The following WARS2 variants were observed in gnomAD, a reference collection of about 807,000 sequenced individuals.
WARS2 encodes tryptophanyl tRNA synthetase 2, mitochondrial.
WARS2 carries 28 observed loss-of-function variants against 36.5 expected under a neutral mutation model. The ratio of observed to expected loss-of-function variants is 0.77; its 90% CI spans 0.57 to 1.05. The LOEUF (loss-of-function observed/expected upper bound fraction) is 1.05. Among genes scored for constraint, WARS2 ranks in the 50% least tolerant of loss-of-function variants. The pLI is 0.00. For synonymous variants in WARS2, 174 were observed against 178.4 expected (o/e 0.98, Z 0.20); for missense variants, 435 against 456.8 (o/e 0.95, Z 0.44).
intron 1 of WARS2, among the ~76,000 whole-genome samples, chr1:119,120,632 T>C (rs369392431): frequency 2.0e-4 from 30 of 152,066 alleles, no homozygotes; most frequent in South Asian, 1.9e-3. Flanking sequence ...CTGATGAACA[T>C]AGATGCAAAA....
At chr1:119,055,432 G>A (rs1649695306) in intron 2 of WARS2, among the ~76,000 whole-genome samples, 1 of 152,034 alleles carries the variant, frequency 6.6e-6, no homozygotes, top group Non-Finnish European at 1.5e-5. Context: ...GGCCAACATG[G>A]CAAAACCCCA....
At chr1:119,092,723 A>C (rs1030650398) in intron 1 of WARS2, among the ~76,000 whole-genome samples, 1 of 152,230 alleles carries the variant, frequency 6.6e-6, no homozygotes, top group Non-Finnish European at 1.5e-5. Context: ...CCTGAAATAA[A>C]AATTTTAATA....
Position 119,100,886 on chromosome 1 carries a change from C to G in WARS2, c.91-24279G>C, listed in dbSNP as rs117253596. On this transcript the variant is annotated intron_variant, in intron 1 of 5. Transcript: ENST00000235521. The stretch of plus-strand genomic sequence containing the variant: ...CTCCTGGGCTCAAGTGATACTCCCA[C>G]CTTGGCCTTCTAAAGTGCTGGGACT... Among the ~76,000 whole-genome samples the G allele has an allele frequency of 7.7e-3, 1,174 of 152,322 alleles. 25 individuals are homozygous for G. Among genetic ancestry groups the G allele is most frequent in the East Asian group, 0.052 (268 of 5,178 alleles).
Position 119,033,030 on chromosome 1 carries a change from C to G in WARS2, c.964G>C (p.Glu322Gln). 2 of 1,614,244 alleles carry G rather than the reference C, an allele frequency of 1.2e-6. No individual in the cohort carries two copies. The highest frequency in any genetic ancestry group is 2.2e-5 in the South Asian group (2 of 91,090). ...EKFAPIKREI[E>Q]KLKLDKDHLE... ...TGGTCCTTGTCCAGCTTCAGTTTTT[C>G]AATTTCACGCTTAATTGGGGCAAAC... The change falls in exon 6 of 6, where the codon GAA becomes CAA. Residue 322 changes from glutamate (E) to glutamine (Q), a missense_variant. Glu to Gln is a conservative substitution (Grantham distance 29). Transcript: ENST00000235521.
At chr1:119,033,440 C>A (rs946500104) in intron 5 of WARS2, 81 bp from the exon 6 acceptor site, 5 of 1,540,464 alleles carry the variant, frequency 3.2e-6, no homozygotes, top group Middle Eastern at 2.1e-4. Context: ...ACAGACAGTT[C>A]CCAACTTGCA....
intron 2 of WARS2, among the ~76,000 whole-genome samples, chr1:119,054,295 T>G (rs999035142): frequency 6.6e-6 from 1 of 151,956 alleles, no homozygotes; most frequent in Non-Finnish European, 1.5e-5. Flanking sequence ...ATGAAAGAGA[T>G]GCCCAATCTT....
At chr1:119,037,512 TA>T (rs1485142273) in intron 4 of WARS2, among the ~76,000 whole-genome samples, 1 of 152,234 alleles carries the variant, frequency 6.6e-6, no homozygotes, top group African/African-American at 2.4e-5. Context: ...CATAAAGGAT[TA>T]ATTCCTCATG....
chr1:119,062,617 G>T (rs1650480108), intron 2 of WARS2, among the ~76,000 whole-genome samples: 1 of 152,112 alleles, frequency 6.6e-6, no homozygotes, highest in African/African-American at 2.4e-5. Context: ...ACGTGTTGTG[G>T]GAGGGACCCA....
intron 1 of WARS2, among the ~76,000 whole-genome samples, chr1:119,082,960 G>A (rs1652316807): frequency 6.6e-6 from 1 of 152,316 alleles, no homozygotes; most frequent in Admixed American, 6.5e-5. Context: ...TGGGTGTGGT[G>A]GCTCACACCT....
At chr1:119,041,939 G>A (rs1427133837) in intron 4 of WARS2, among the ~76,000 whole-genome samples, 1 of 152,114 alleles carries the variant, frequency 6.6e-6, no homozygotes, top group African/African-American at 2.4e-5. Flanking sequence ...GGGACAATAA[G>A]AGTGCAAATT....
Position 119,032,846 on chromosome 1 carries a change from G to T in WARS2, c.*65C>A. 1 of 1,442,066 alleles carries T rather than the reference G, an allele frequency of 6.9e-7. No individual in the cohort carries two copies. Among genetic ancestry groups the T allele is most frequent in the African/African-American group, 1.4e-5 (1 of 70,136 alleles). 89.3% of individuals were successfully genotyped at this position (1,442,066 alleles called of 1,614,324 possible). A position where few individuals can be genotyped will look rare whatever the true frequency, so the allele number is the denominator to read the frequency against. ...ACTATAACTTTTTCTTTTTAGGAAA[G>T]CTGCCGTTATCAGAATGCATGGAGT... On this transcript the variant is annotated 3_prime_UTR_variant, in exon 6 of 6. Transcript: ENST00000235521.
At chr1:119,049,139 G>A (rs780301017) in intron 2 of WARS2, among the ~76,000 whole-genome samples, 6 of 152,020 alleles carry the variant, frequency 3.9e-5, no homozygotes, top group South Asian at 2.1e-4. Context: ...ACACACAGGC[G>A]GCTGGACATC....
At chr1:119,118,088 G>A (rs951613289) in intron 1 of WARS2, among the ~76,000 whole-genome samples, 1 of 152,062 alleles carries the variant, frequency 6.6e-6, no homozygotes, top group Non-Finnish European at 1.5e-5. Flanking sequence ...AGAAATCTCT[G>A]AATTGCCAGA....
chr1:119,066,271 A>G (rs1205188177), intron 2 of WARS2, among the ~76,000 whole-genome samples: 1 of 152,016 alleles, frequency 6.6e-6, no homozygotes, highest in Non-Finnish European at 1.5e-5. Flanking sequence ...AGGTCAGGAG[A>G]TCGAGAACCA....
Position 119,031,469 on chromosome 1 carries a change from CAT to C in WARS2, c.*1440_*1441del, listed in dbSNP as rs1368785997. On this transcript the variant is annotated 3_prime_UTR_variant, in exon 6 of 6. Transcript: ENST00000235521. ...TGGGATGGGGCGTTTTGTGGATTAA[CAT>C]GTGTTCTGACACAAGGACTACTCTA... 2 of 152,186 alleles carry C rather than the reference CAT, an allele frequency of 1.3e-5. No individual in the cohort carries two copies. Among genetic ancestry groups the C allele is most frequent in the Admixed American group, 6.5e-5 (1 of 15,274 alleles). 9.4% of individuals were successfully genotyped at this position (152,186 alleles called of 1,614,324 possible).
At chr1:119,077,752 AG>A (rs750603850) in intron 1 of WARS2, among the ~76,000 whole-genome samples, 5 of 152,022 alleles carry the variant, frequency 3.3e-5, no homozygotes, top group Non-Finnish European at 7.3e-5. Flanking sequence ...GAAAATGAAA[AG>A]AAAAAAAATG....
intron 2 of WARS2, among the ~76,000 whole-genome samples, chr1:119,054,858 A>T (rs915682620): frequency 2.0e-5 from 3 of 152,242 alleles, no homozygotes; most frequent in Non-Finnish European, 4.4e-5. Flanking sequence ...AGTCAAACTC[A>T]TAGAGACAAA....
At chr1:119,071,394 C>T (rs1651305828) in intron 2 of WARS2, among the ~76,000 whole-genome samples, 1 of 152,120 alleles carries the variant, frequency 6.6e-6, no homozygotes, top group Non-Finnish European at 1.5e-5. Context: ...TCTGTACTCT[C>T]ATGTTTATTG....
chr1:119,140,634 T>C lies in WARS2; in HGVS notation c.11A>G (p.His4Arg). ...GCGCTCACGCGCTTTCCGCATTGAG[T>C]GCAGCGCCATCTTGAGAAGGGCGGA... is the stretch of plus-strand genomic sequence containing the variant. MAL[H>R]SMRKARERWS... is the part of the protein sequence containing the mutation. The change falls in exon 1 of 6, where the codon CAC (histidine) becomes CGC (arginine). Residue 4 changes from histidine (H) to arginine (R), a missense_variant. His to Arg is a conservative substitution (Grantham distance 29). Coordinates refer to ENST00000235521, the MANE Select transcript of WARS2 (RefSeq NM_015836.4). 1 of 1,612,922 alleles carries C rather than the reference T, an allele frequency of 6.2e-7. No individual in the cohort carries two copies. The highest frequency in any genetic ancestry group is 1.3e-5 in the African/African-American group (1 of 75,020).
Sources: gnomAD v4.1 joint callset for allele counts (sites outside exome capture counted in the v4.1 genomes callset) on GRCh38, gnomAD v4.1.1 for gene constraint, MANE v1.5 for transcripts, NCBI Gene and HGNC (gene_info 2026-07-23, HGNC 2026-07-21) for gene names.